Variants in BICD1 observed in about 807,000 individuals in gnomAD.
BICD1 encodes BICD cargo adaptor 1.
In BICD1, 35 loss-of-function variants were observed where a neutral mutation model predicts 92.5. That is an observed-to-expected ratio of 0.38 (90% CI 0.29 to 0.50). The LOEUF (loss-of-function observed/expected upper bound fraction) is 0.50. Ranked by LOEUF, BICD1 falls within the 20% of genes least tolerant of loss-of-function variation. The pLI is 0.93. For missense variants in BICD1, 950 were observed against 1,189.8 expected (o/e 0.80, Z 2.97); for synonymous variants, 429 against 465.1 (o/e 0.92, Z 1.00).
chr12:32,184,347 C>T (rs1044918759), intron 1 of BICD1, among the ~76,000 whole-genome samples: 4 of 152,040 alleles, frequency 2.6e-5, no homozygotes, highest in African/African-American at 7.3e-5. Flanking sequence ...AGTGCAGTGG[C>T]GCGATCTTGG....
intron 4 of BICD1, among the ~76,000 whole-genome samples, chr12:32,324,706 G>A (rs988005210): frequency 2.0e-5 from 3 of 152,152 alleles, no homozygotes; most frequent in Admixed American, 2.0e-4. Context: ...CTCCCCAGTA[G>A]CTGGGATTAC....
rs1033668296 is a variant in BICD1 at position 32,377,805 on chromosome 12, A to G, written c.*178A>G. ...AACACGAAGCACAGACCCTGATGTG[A>G]TAAAACATTTTGTGGTTTCTCTGAG... On this transcript the variant is annotated 3_prime_UTR_variant, in exon 10 of 10. Transcript: ENST00000652176. The G allele has an allele frequency of 3.9e-6, 2 of 514,900 alleles. No homozygotes were observed. The highest frequency in any genetic ancestry group is 6.8e-6 in the Non-Finnish European group (2 of 292,318). The allele number at this position is 514,900 out of a possible 1,614,324, so 31.9% of individuals were successfully genotyped here.
intron 1 of BICD1, among the ~76,000 whole-genome samples, chr12:32,211,182 C>G (rs903611479): frequency 1.3e-5 from 2 of 152,138 alleles, no homozygotes; most frequent in African/African-American, 4.8e-5. Context: ...CTAGCTTGGG[C>G]AGGATTGGTG....
intron 2 of BICD1, among the ~76,000 whole-genome samples, chr12:32,264,328 C>T (rs1357614839): frequency 6.6e-6 from 1 of 152,182 alleles, no homozygotes; most frequent in Non-Finnish European, 1.5e-5. Context: ...CCGGCATCTA[C>T]ACAATTTCTT....
At chr12:32,250,169 A>G (rs563224274) in intron 2 of BICD1, among the ~76,000 whole-genome samples, 1 of 152,088 alleles carries the variant, frequency 6.6e-6, no homozygotes, top group Non-Finnish European at 1.5e-5. Flanking sequence ...TCTCAACTGT[A>G]TTCAGTACAG....
intron 2 of BICD1, among the ~76,000 whole-genome samples, chr12:32,287,738 C>T (rs577572729): frequency 3.9e-5 from 6 of 152,236 alleles, no homozygotes; most frequent in South Asian, 4.1e-4. Context: ...GAGGTTTCAC[C>T]GTGTTAGCCA....
Position 32,164,965 on chromosome 12 carries a change from C to G in BICD1, c.214-51282C>G, listed in dbSNP as rs562588935. Among the ~76,000 whole-genome samples, 45 of 152,238 alleles carry G rather than the reference C, an allele frequency of 3.0e-4. No individual in the cohort carries two copies. The South Asian group carries it at 9.1e-3, about 31-fold the overall frequency. ...GAAGTGGCTCATCTGGGGTCATGCC[C>G]GTGCCTGACACTGCCCTAATTAGCT... is the stretch of plus-strand genomic sequence containing the variant. On this transcript the variant is annotated intron_variant, in intron 1 of 9. Coordinates refer to ENST00000652176, the MANE Select transcript of BICD1 (RefSeq NM_001714.4).
intron 1 of BICD1, among the ~76,000 whole-genome samples, chr12:32,142,593 T>C (rs1942980577): frequency 6.6e-6 from 1 of 152,166 alleles, no homozygotes; most frequent in African/African-American, 2.4e-5. Flanking sequence ...AAAGGCATAT[T>C]ACAACAGCCT....
intron 1 of BICD1, among the ~76,000 whole-genome samples, chr12:32,199,977 G>T (rs2121549065): frequency 6.6e-6 from 1 of 152,236 alleles, no homozygotes; most frequent in African/African-American, 2.4e-5. Context: ...TTGTATAAGG[G>T]CACTGGCTTT....
chr12:32,292,385 C>T (rs757031563), intron 2 of BICD1, among the ~76,000 whole-genome samples: 16 of 152,176 alleles, frequency 1.1e-4, no homozygotes, highest in Non-Finnish European at 2.1e-4. Flanking sequence ...ATAAAGACAG[C>T]AGCCCTATCG....
chr12:32,359,952 G>A (rs1258382564), intron 8 of BICD1, among the ~76,000 whole-genome samples: 1 of 152,100 alleles, frequency 6.6e-6, no homozygotes. Context: ...TTGGGAGGCC[G>A]AGGCAGGCAG....
intron 2 of BICD1, among the ~76,000 whole-genome samples, chr12:32,282,477 G>A (rs896115125): frequency 1.7e-4 from 26 of 152,140 alleles, no homozygotes; most frequent in African/African-American, 6.3e-4. Context: ...GCCAGGGAGG[G>A]GAGCAAAGTG....
At chr12:32,177,614 G>A (rs75243761) in intron 1 of BICD1, among the ~76,000 whole-genome samples, 15,337 of 149,388 alleles carry the variant, frequency 0.1, 1,100 homozygotes, top group Middle Eastern at 0.23. Context: ...CTGGAGTGGC[G>A]GAGGTGGTTA....
intron 1 of BICD1, among the ~76,000 whole-genome samples, chr12:32,129,078 A>ATAAGG (rs1942445495): frequency 6.6e-6 from 1 of 151,880 alleles, no homozygotes; most frequent in Non-Finnish European, 1.5e-5. Context: ...AGTAGCTGGG[A>ATAAGG]TTATGCACCA....
chr12:32,307,367 CGCTTTCTAGTTTAGAGTCTT>C (rs1948257253), intron 4 of BICD1, among the ~76,000 whole-genome samples: 1 of 152,178 alleles, frequency 6.6e-6, no homozygotes, highest in African/African-American at 2.4e-5. Flanking sequence ...TTGAAAAAAT[CGCTTTCTAGTTTAGAGTCTT>C]GCCTTCCTGC....
At chr12:32,281,109 C>T (rs1199043246) in intron 2 of BICD1, among the ~76,000 whole-genome samples, 1 of 152,200 alleles carries the variant, frequency 6.6e-6, no homozygotes, top group Non-Finnish European at 1.5e-5. Context: ...CTAGCCTCTG[C>T]AGAACACCCT....
intron 8 of BICD1, among the ~76,000 whole-genome samples, chr12:32,360,650 G>A (rs368791414): frequency 1.3e-5 from 2 of 152,144 alleles, no homozygotes; most frequent in Admixed American, 6.5e-5. Context: ...TAATATTCTT[G>A]AGACAAATAG....
chr12:32,321,633 G>A (rs1948659575), intron 4 of BICD1, among the ~76,000 whole-genome samples: 1 of 152,114 alleles, frequency 6.6e-6, no homozygotes, highest in Non-Finnish European at 1.5e-5. Context: ...AATTAAAATA[G>A]TAACACTTCA....
chr12:32,238,059 A>G (rs867911977), intron 2 of BICD1, among the ~76,000 whole-genome samples: 2 of 152,204 alleles, frequency 1.3e-5, no homozygotes. Context: ...CAACATGAAC[A>G]GGAGTTTCGA....
Sources: allele counts gnomAD v4.1 joint callset (sites outside exome capture counted in the v4.1 genomes callset), GRCh38; gene constraint gnomAD v4.1.1; transcripts MANE v1.5; gene names NCBI Gene and HGNC (gene_info 2026-07-23, HGNC 2026-07-21).